The following IKZF2 variants were observed in gnomAD, a reference collection of about 807,000 sequenced individuals.
IKZF2 encodes zinc finger protein Helios.
IKZF2 carries 15 observed loss-of-function variants against 49.2 expected under a neutral mutation model. That is an observed-to-expected ratio of 0.30 (90% CI 0.20 to 0.47). The LOEUF (loss-of-function observed/expected upper bound fraction) is 0.47. Among genes scored for constraint, IKZF2 ranks in the 20% least tolerant of loss-of-function variants. The probability of loss-of-function intolerance (pLI) is 1.00; values close to 1 mark genes in which losing one functional copy is unlikely to be tolerated. For missense variants in IKZF2, 567 were observed against 664.6 expected, an observed-to-expected ratio of 0.85 and a Z score of 1.61; for synonymous variants, 227 against 221.4, an observed-to-expected ratio of 1.03 and a Z score of -0.23.
At chr2:213,119,041 T>C (rs1471893844) in intron 4 of IKZF2, among the ~76,000 whole-genome samples, 1 of 152,154 alleles carries the variant, frequency 6.6e-6, no homozygotes. Flanking sequence ...TATGACAGGA[T>C]GGAAAGCTGG....
At position 213,007,672 on chromosome 2, in the gene IKZF2, G is replaced by C; in HGVS notation, c.1269C>G (p.His423Gln). The C allele has an allele frequency of 6.2e-7, 1 of 1,613,736 alleles. No individual in the cohort carries two copies. Among genetic ancestry groups the C allele is most frequent in the Non-Finnish European group, 8.5e-7 (1 of 1,179,756 alleles). ...SHDDHQSYQGHPALNPKRKQS... is the reference protein window; with the variant it reads ...SHDDHQSYQGQPALNPKRKQS... ...GTTTCCTCTTGGGATTTAAGGCAGG[G>C]TGTCCTTGGTAGGACTGGTGGTCAT... The change falls in exon 9 of 9, where the codon CAC becomes CAG. Residue 423 changes from histidine to glutamine, a missense_variant. This residue lies in a region of IKZF2 where 310 missense variants were observed against 326.9 expected (regional missense o/e 0.95). Transcript: ENST00000434687.
In IKZF2 at chr2:213,094,370, C is replaced by T. The variant is rs529929223; in HGVS notation, c.140-37271G>A. Among the ~76,000 whole-genome samples, 8 of 152,224 alleles carry T rather than the reference C, an allele frequency of 5.3e-5. No homozygotes were observed. The South Asian group carries it at 1.7e-3, about 32-fold the overall frequency. On this transcript the variant is annotated intron_variant, in intron 4 of 8. Coordinates refer to ENST00000434687, the MANE Select transcript of IKZF2 (RefSeq NM_001387220.1). ...ATTTAACAATTCTATAAACTGGCAACAGCAGAGAGGCTGCAGTTCCCACAA... is the reference window on the plus strand; with the variant it reads ...ATTTAACAATTCTATAAACTGGCAATAGCAGAGAGGCTGCAGTTCCCACAA...
At chr2:213,048,382 G>A (rs1404940423) in intron 6 of IKZF2, among the ~76,000 whole-genome samples, 1 of 151,914 alleles carries the variant, frequency 6.6e-6, no homozygotes, top group Non-Finnish European at 1.5e-5. Context: ...ATGAAGTTGA[G>A]GCAAAACTAT....
chr2:213,138,056 T>C (rs2060738969), intron 4 of IKZF2, among the ~76,000 whole-genome samples: 2 of 152,126 alleles, frequency 1.3e-5, no homozygotes, highest in Non-Finnish European at 2.9e-5. Flanking sequence ...CACTGATTAA[T>C]TATACACTCA....
chr2:213,124,518 G>A (rs542299241), intron 4 of IKZF2, among the ~76,000 whole-genome samples: 76 of 152,214 alleles, frequency 5.0e-4, no homozygotes, highest in Admixed American at 1.2e-3. Context: ...AAACCATCCC[G>A]TTCCCGGGAC....
At chr2:213,089,221 C>T (rs1481403301) in intron 4 of IKZF2, among the ~76,000 whole-genome samples, 4 of 152,188 alleles carry the variant, frequency 2.6e-5, no homozygotes, top group Non-Finnish European at 5.9e-5. Context: ...TCACATGCCG[C>T]TTCCAATCCA....
Position 212,999,992 on chromosome 2 carries a change from T to A in IKZF2, c.*7368A>T, listed in dbSNP as rs1694748047. Reference sequence around the variant, plus strand: ...CACATATACACAGTAACCACATACATGCACAGAACATGTATGTGTGTGCAT... The same window carrying A: ...CACATATACACAGTAACCACATACAAGCACAGAACATGTATGTGTGTGCAT... On this transcript the variant is annotated 3_prime_UTR_variant, in exon 9 of 9. Coordinates refer to ENST00000434687, the MANE Select transcript of IKZF2 (RefSeq NM_001387220.1). The A allele has an allele frequency of 6.6e-6, 1 of 151,962 alleles. No individual in the cohort carries two copies. The highest frequency in any genetic ancestry group is 1.5e-5 in the Non-Finnish European group (1 of 67,694). The allele number at this position is 151,962 out of a possible 1,614,324, so 9.4% of individuals were successfully genotyped here.
chr2:213,004,182 T>C lies in IKZF2; in HGVS notation c.*3178A>G, dbSNP rs962596963. The C allele has an allele frequency of 6.6e-6, 1 of 151,880 alleles. No homozygotes were observed. The highest frequency in any genetic ancestry group is 6.6e-5 in the Admixed American group (1 of 15,204). The allele number at this position is 151,880 out of a possible 1,614,324, so 9.4% of individuals were successfully genotyped here. On this transcript the variant is annotated 3_prime_UTR_variant, in exon 9 of 9. Coordinates refer to ENST00000434687, the MANE Select transcript of IKZF2 (RefSeq NM_001387220.1). ...TGTGTGTGTAGTATACACACACATA[T>C]ACCCTATGATTCATACATACAATTG... is the stretch of plus-strand genomic sequence containing the variant.
At chr2:213,130,482 T>C (rs1406911146) in intron 4 of IKZF2, among the ~76,000 whole-genome samples, 1 of 152,156 alleles carries the variant, frequency 6.6e-6, no homozygotes, top group Non-Finnish European at 1.5e-5. Context: ...GGGGGAGCAC[T>C]GAAGTTCCCC....
intron 4 of IKZF2, among the ~76,000 whole-genome samples, chr2:213,090,807 G>A (rs192818397): frequency 6.6e-6 from 1 of 152,234 alleles, no homozygotes; most frequent in Admixed American, 6.5e-5. Flanking sequence ...AGCAGCCAGG[G>A]GAGAGGGACA....
chr2:213,075,020 CTT>C (rs1703105157), intron 4 of IKZF2, among the ~76,000 whole-genome samples: 1 of 152,118 alleles, frequency 6.6e-6, no homozygotes. Context: ...TCTAAAGTGG[CTT>C]TCAAACTGTT....
In IKZF2 at chr2:213,007,836, T is replaced by C. The variant is rs1695501602; in HGVS notation, c.1105A>G (p.Ser369Gly). 1.9e-6 allele frequency: 3 copies of C among 1,613,482 alleles called. No individual in the cohort carries two copies. The highest frequency in any genetic ancestry group is 2.5e-6 in the Non-Finnish European group (3 of 1,179,750). The stretch of plus-strand genomic sequence containing the variant: ...TCATGACTATCAGCAGTTTCCCTGC[T>C]AATGGGTCTTTCTATCCTATTTGGA... Reference protein sequence around the residue: ...YHPNRIERPISRETADSHENN... With the variant: ...YHPNRIERPIGRETADSHENN... Residue 369 changes from serine (S) to glycine (G), a missense_variant, in exon 9 of 9, where the codon AGC (serine) becomes GGC (glycine). By Grantham distance (56) the Ser-to-Gly change is moderately conservative. Around this residue, in one of 5 missense-constraint regions of IKZF2, gnomAD observed 310 missense variants for 326.9 expected, o/e 0.95. Transcript: ENST00000434687.
chr2:213,088,361 T>A (rs1479911605), intron 4 of IKZF2, among the ~76,000 whole-genome samples: 1 of 152,206 alleles, frequency 6.6e-6, no homozygotes, highest in Non-Finnish European at 1.5e-5. Context: ...TTGTTTGATT[T>A]TTTTCTTGTA....
At chr2:213,108,582 G>A (rs1464238408) in intron 4 of IKZF2, among the ~76,000 whole-genome samples, 1 of 152,056 alleles carries the variant, frequency 6.6e-6, no homozygotes, top group African/African-American at 2.4e-5. Flanking sequence ...TCCTCAATAG[G>A]AAAACGGTCC....
intron 7 of IKZF2, among the ~76,000 whole-genome samples, chr2:213,015,641 A>C (rs1696499361): frequency 6.6e-6 from 1 of 152,014 alleles, no homozygotes; most frequent in Non-Finnish European, 1.5e-5. Flanking sequence ...TCAAAATCTT[A>C]ACTTTTTGTT....
At chr2:213,150,481 C>CTCG (rs2061246651) in intron 1 of IKZF2, 69 of 191,104 alleles carry the variant, frequency 3.6e-4, no homozygotes, top group South Asian at 8.6e-4. Flanking sequence ...CCTCCTCGTC[C>CTCG]TCCTCCTCCT....
At chr2:213,119,633 A>C (rs1009757786) in intron 4 of IKZF2, among the ~76,000 whole-genome samples, 16 of 152,216 alleles carry the variant, frequency 1.1e-4, no homozygotes, top group Non-Finnish European at 2.2e-4. Context: ...GATGAGGCAC[A>C]GCTACAGACA....
At chr2:213,110,822 G>A (rs2059681983) in intron 4 of IKZF2, among the ~76,000 whole-genome samples, 1 of 151,882 alleles carries the variant, frequency 6.6e-6, no homozygotes, top group Admixed American at 6.6e-5. Flanking sequence ...TCAGTTTTTT[G>A]CTAATATAAT....
chr2:213,048,818 T>C (rs1034291930), intron 6 of IKZF2, among the ~76,000 whole-genome samples: 3 of 152,134 alleles, frequency 2.0e-5, no homozygotes, highest in Middle Eastern at 3.4e-3. Context: ...AAGCATTATC[T>C]CACAACCTCA....
Sources: gnomAD v4.1 joint callset for allele counts (sites outside exome capture counted in the v4.1 genomes callset) on GRCh38, gnomAD v4.1.1 for gene constraint, gnomAD v4.1.1 regional missense constraint, MANE v1.5 for transcripts, NCBI Gene and HGNC (gene_info 2026-07-23, HGNC 2026-07-21) for gene names.